Variants in AFF4 observed in about 807,000 individuals in gnomAD.
The protein encoded by AFF4 is AF4/FMR2 family member 4.
In AFF4, 13 loss-of-function variants were observed where a neutral mutation model predicts 124.8. That is an observed-to-expected ratio of 0.10 (90% CI 0.07 to 0.17). The LOEUF (loss-of-function observed/expected upper bound fraction) is 0.17. Among genes scored for constraint, AFF4 ranks in the 10% least tolerant of loss-of-function variants. The pLI, the probability that AFF4 is intolerant of heterozygous loss-of-function variation, is 1.00. For missense variants in AFF4, 1,092 were observed against 1,403.8 expected, an observed-to-expected ratio of 0.78 and a Z score of 3.55; for synonymous variants, 477 against 496.1, an observed-to-expected ratio of 0.96 and a Z score of 0.51.
intron 4 of AFF4, among the ~76,000 whole-genome samples, chr5:132,930,896 G>A (rs1312148633): frequency 2.2e-5 from 3 of 134,756 alleles, no homozygotes; most frequent in Non-Finnish European, 4.6e-5. Flanking sequence ...AGGAGTTCCA[G>A]ACCAGCCTGG....
Position 132,897,043 on chromosome 5 carries a change from C to T in AFF4, c.1587G>A (p.Pro529=), listed in dbSNP as rs775075192. 23 of 1,614,044 alleles carry T rather than the reference C, an allele frequency of 1.4e-5. No individual in the cohort carries two copies. Among genetic ancestry groups the T allele is most frequent in the South Asian group, 5.5e-5 (5 of 91,086 alleles). ...TTTGGATGGTTTTGGAGTCTCGTCCCGGAGTAGCGGAACTCGTTTCTTTAG... is the reference window on the plus strand; with the variant it reads ...TTTGGATGGTTTTGGAGTCTCGTCCTGGAGTAGCGGAACTCGTTTCTTTAG... The part of the protein sequence containing the change: ...SGPKETSSAT[P]GRDSKTIQKG... Residue 529 remains proline (P), a synonymous_variant, in exon 11 of 21, where the codon CCG becomes CCA. Transcript: ENST00000265343.
Position 132,937,119 on chromosome 5 carries a change from C to A in AFF4, c.71G>T (p.Gly24Val), listed in dbSNP as rs1318550187. ...AGAGCTAGGTGGGAAGGCGTCTTCG[C>A]CCTGCTGAATTTCCTGATTCCGCCT... is the stretch of plus-strand genomic sequence containing the variant. ...RERRNQEIQQ[G>V]EDAFPPSSPL... The change falls in exon 2 of 21, where the codon GGC becomes GTC. Residue 24 changes from glycine (G) to valine (V), a missense_variant. This residue lies in a region of AFF4 where 46 missense variants were observed against 49.0 expected (regional missense o/e 0.94). Coordinates refer to ENST00000265343, the MANE Select transcript of AFF4 (RefSeq NM_014423.4). The A allele has an allele frequency of 2.5e-6, 4 of 1,613,850 alleles. No homozygotes were observed. The African/African-American group carries it at 5.3e-5, about 22-fold the overall frequency.
intron 5 of AFF4, chr5:132,926,870 C>A (rs1334353145): frequency 1.3e-5 from 5 of 371,532 alleles, no homozygotes; most frequent in Non-Finnish European, 2.5e-5. Context: ...GTATTAATGT[C>A]TTTTAAATCT....
chr5:132,929,634 T>C (rs1423396174), intron 4 of AFF4, among the ~76,000 whole-genome samples: 1 of 152,168 alleles, frequency 6.6e-6, no homozygotes, highest in Non-Finnish European at 1.5e-5. Context: ...AAGCTTACTT[T>C]ATTTAAGGAG....
At chr5:132,952,227 GTCCGTATCCAA>G (rs892948247) in intron 1 of AFF4, among the ~76,000 whole-genome samples, 1 of 152,132 alleles carries the variant, frequency 6.6e-6, no homozygotes, top group Non-Finnish European at 1.5e-5. Flanking sequence ...CCAAAATGCC[GTCCGTATCCAA>G]TCACTATTCA....
At chr5:132,959,079 A>G (rs974628778) in intron 1 of AFF4, among the ~76,000 whole-genome samples, 5 of 152,148 alleles carry the variant, frequency 3.3e-5, no homozygotes, top group Admixed American at 6.6e-5. Context: ...TCCAAGAGAG[A>G]AAAAGTTACA....
Position 132,899,095 on chromosome 5 carries a change from G to A in AFF4, c.1226+9C>T. The A allele has an allele frequency of 6.2e-7, 1 of 1,612,230 alleles. No individual in the cohort carries two copies. The highest frequency in any genetic ancestry group is 2.2e-5 in the East Asian group (1 of 44,806). ...TTACCAATAAAACAGAAAAGAAAAG[G>A]ATGCCCACCTTCCTGGTGTACTCCT... is the stretch of plus-strand genomic sequence containing the variant. On this transcript the variant is annotated intron_variant, in intron 9 of 20. Transcript: ENST00000265343.
chr5:132,895,623 C>T (rs1418173981), intron 11 of AFF4, among the ~76,000 whole-genome samples: 3 of 152,196 alleles, frequency 2.0e-5, no homozygotes, highest in Non-Finnish European at 2.9e-5. Context: ...CTGTAAATTC[C>T]TCACTAGAGC....
chr5:132,927,183 G>A lies in AFF4; in HGVS notation c.988C>T (p.Pro330Ser). ...LKEMTHSWPP[P>S]LTAIHTPCKT... ...CATGGTGTATGAATAGCCGTTAGAG[G>A]GGGAGGCCATGAATGCGTCATCTCC... Residue 330 changes from proline (P) to serine (S), a missense_variant, in exon 5 of 21, where the codon CCT (proline) becomes TCT (serine). Around this residue, in one of 11 missense-constraint regions of AFF4, gnomAD observed 148 missense variants for 196.3 expected, o/e 0.75. Coordinates refer to ENST00000265343, the MANE Select transcript of AFF4 (RefSeq NM_014423.4). 6.2e-7 allele frequency: 1 copy of A among 1,610,588 alleles called. No homozygotes were observed. Among genetic ancestry groups the A allele is most frequent in the Non-Finnish European group, 8.5e-7 (1 of 1,178,862 alleles).
chr5:132,930,293 C>T (rs931279608), intron 4 of AFF4, among the ~76,000 whole-genome samples: 1 of 151,806 alleles, frequency 6.6e-6, no homozygotes, highest in African/African-American at 2.4e-5. Flanking sequence ...TGCACCTGCA[C>T]TTAAGAAACA....
chr5:132,915,749 G>A (rs911836374), intron 5 of AFF4, among the ~76,000 whole-genome samples: 9 of 151,414 alleles, frequency 5.9e-5, no homozygotes, highest in African/African-American at 1.9e-4. Context: ...TGTATTTTTA[G>A]TAGAGATGGG....
At chr5:132,955,968 CACA>C in intron 1 of AFF4, among the ~76,000 whole-genome samples, 1 of 146,402 alleles carries the variant, frequency 6.8e-6, no homozygotes, top group South Asian at 2.1e-4. Flanking sequence ...TAATATAATG[CACA>C]AGATGTGTAA....
At chr5:132,908,617 CAT>C (rs1335567264) in intron 5 of AFF4, among the ~76,000 whole-genome samples, 2 of 151,234 alleles carry the variant, frequency 1.3e-5, no homozygotes, top group Non-Finnish European at 2.9e-5. Flanking sequence ...TTACAGTATT[CAT>C]ATTAGAACTG....
intron 3 of AFF4, 150 bp downstream of exon 3, chr5:132,933,997 C>T: frequency 2.2e-6 from 2 of 898,470 alleles, no homozygotes; most frequent in Non-Finnish European, 3.3e-6. Context: ...GAGTAACTCA[C>T]AAGTCTGTCT....
chr5:132,897,707 C>CT (rs950816964), intron 10 of AFF4, among the ~76,000 whole-genome samples: 7 of 73,392 alleles, frequency 9.5e-5, no homozygotes, highest in African/African-American at 3.9e-4. Context: ...AAGACTCCAT[C>CT]TTAAAAAAAA....
At chr5:132,940,441 C>T (rs1171056350) in intron 1 of AFF4, among the ~76,000 whole-genome samples, 2 of 151,928 alleles carry the variant, frequency 1.3e-5, no homozygotes, top group Non-Finnish European at 2.9e-5. Context: ...GCGGAGCTTG[C>T]AGTGAGTCGA....
chr5:132,957,529 T>C (rs1761990642), intron 1 of AFF4, among the ~76,000 whole-genome samples: 1 of 151,858 alleles, frequency 6.6e-6, no homozygotes, highest in Admixed American at 6.6e-5. Flanking sequence ...GGTCAGGAGT[T>C]CGAGATCAGC....
chr5:132,938,227 A>G (rs1440628976), intron 1 of AFF4, among the ~76,000 whole-genome samples: 3 of 152,168 alleles, frequency 2.0e-5, no homozygotes, highest in African/African-American at 7.2e-5. Flanking sequence ...ATCAGAAACT[A>G]TAATTATAAA....
At chr5:132,888,640 A>C (rs1206851064) in intron 14 of AFF4, among the ~76,000 whole-genome samples, 1 of 152,156 alleles carries the variant, frequency 6.6e-6, no homozygotes, top group African/African-American at 2.4e-5. Context: ...GTACTTTTCA[A>C]ATTGAAACCT....
Sources: gnomAD v4.1 joint callset for allele counts (sites outside exome capture counted in the v4.1 genomes callset) on GRCh38, gnomAD v4.1.1 for gene constraint, gnomAD v4.1.1 regional missense constraint, MANE v1.5 for transcripts, NCBI Gene and HGNC (gene_info 2026-07-23, HGNC 2026-07-21) for gene names.